Variants in BMPR1A observed in about 807,000 individuals in gnomAD.
The protein encoded by BMPR1A is bone morphogenetic protein receptor type 1A.
A neutral mutation model predicts 66.0 loss-of-function variants in BMPR1A; 7 were observed. That is an observed-to-expected ratio of 0.11 (90% CI 0.06 to 0.20). The LOEUF (loss-of-function observed/expected upper bound fraction) is 0.20, where lower values mean the gene tolerates loss of function less well. BMPR1A is among the 10% of genes least tolerant of loss of function. The pLI, the probability that BMPR1A is intolerant of heterozygous loss-of-function variation, is 1.00. For synonymous variants in BMPR1A, 200 were observed against 229.7 expected (o/e 0.87, Z 1.17); for missense variants, 408 against 669.1 (o/e 0.61, Z 4.31).
intron 4 of BMPR1A, 105 bp from the exon 5 acceptor site, chr10:86,892,022 A>G: frequency 1.2e-6 from 1 of 848,258 alleles, no homozygotes; most frequent in Non-Finnish European, 1.9e-6. Context: ...GTCACAAAAC[A>G]AAGTATTAAA....
chr10:86,782,430 C>G (rs886804114), intron 1 of BMPR1A, among the ~76,000 whole-genome samples: 2 of 152,028 alleles, frequency 1.3e-5, no homozygotes, highest in Non-Finnish European at 2.9e-5. Context: ...AGTGATTGTA[C>G]TGTTTTATAG....
intron 7 of BMPR1A, among the ~76,000 whole-genome samples, chr10:86,903,581 A>G (rs978160303): frequency 6.6e-6 from 1 of 151,868 alleles, no homozygotes; most frequent in Non-Finnish European, 1.5e-5. Flanking sequence ...AATGTTTTCA[A>G]ATTTATCTAT....
intron 2 of BMPR1A, chr10:86,855,435 A>T: frequency 1.5e-6 from 1 of 657,316 alleles, no homozygotes; most frequent in Admixed American, 2.4e-5. Flanking sequence ...TACTTTTCTT[A>T]TGCCTATTAG....
At chr10:86,912,101 A>T in intron 7 of BMPR1A, 139 bp from the exon 8 acceptor site, 1 of 877,292 alleles carries the variant, frequency 1.1e-6, no homozygotes, top group South Asian at 1.6e-5. Flanking sequence ...ATTTAACAGG[A>T]TATATTATCC....
At chr10:86,872,940 G>A (rs1776663053) in intron 2 of BMPR1A, among the ~76,000 whole-genome samples, 1 of 152,146 alleles carries the variant, frequency 6.6e-6, no homozygotes, top group African/African-American at 2.4e-5. Context: ...TAAAGATGAG[G>A]AAACTAATTC....
At chr10:86,794,085 T>C (rs1490304493) in intron 1 of BMPR1A, among the ~76,000 whole-genome samples, 1 of 152,224 alleles carries the variant, frequency 6.6e-6, no homozygotes, top group Non-Finnish European at 1.5e-5. Flanking sequence ...TCTCAGGTTT[T>C]GGACCCTTAG....
rs1174616935 is a variant in BMPR1A at position 86,790,178 on chromosome 10, AAAAAAAAAAAATATATATATAT to A, written c.-268+33261_-268+33282del. 6.7e-4 allele frequency among the ~76,000 whole-genome samples: 27 copies of A among 40,294 alleles called. 1 individual carries two copies. Among genetic ancestry groups the A allele is most frequent in the African/African-American group, 1.1e-3 (8 of 6,984 alleles). The allele number at this position is 40,294 out of a possible 152,430, so 26.4% of individuals were successfully genotyped here. On this transcript the variant is annotated intron_variant, in intron 1 of 12. Transcript: ENST00000372037. ...CTCTGTCTCCAAAAAAAAAAAAAAA[AAAAAAAAAAAATATATATATAT>A]ATATATATATATATATATATATATA... is the stretch of plus-strand genomic sequence containing the variant.
chr10:86,837,255 G>C (rs1015880350), intron 1 of BMPR1A, among the ~76,000 whole-genome samples: 2 of 150,292 alleles, frequency 1.3e-5, no homozygotes, highest in African/African-American at 5.0e-5. Context: ...GTCTGTGTGT[G>C]TGTGTGTGTG....
chr10:86,790,823 G>T (rs1198111267), intron 1 of BMPR1A, among the ~76,000 whole-genome samples: 1 of 152,120 alleles, frequency 6.6e-6, no homozygotes, highest in East Asian at 1.9e-4. Flanking sequence ...TGAATATGCC[G>T]ATAGCTACTG....
intron 5 of BMPR1A, among the ~76,000 whole-genome samples, chr10:86,895,807 C>G (rs928176002): frequency 1.3e-5 from 2 of 152,214 alleles, no homozygotes; most frequent in East Asian, 1.9e-4. Context: ...GCGGGCAGAT[C>G]GCTTGAGCTC....
chr10:86,928,002 G>A (rs776510503), downstream of BMPR1A: 1 of 176,110 alleles, frequency 5.7e-6, no homozygotes, highest in Non-Finnish European at 1.2e-5. Flanking sequence ...GCTACACTCA[G>A]ACGGTATTGT....
chr10:86,920,608 T>C (rs1362773429), intron 10 of BMPR1A, among the ~76,000 whole-genome samples: 1 of 152,178 alleles, frequency 6.6e-6, no homozygotes, highest in Non-Finnish European at 1.5e-5. Flanking sequence ...TATAGGAAAA[T>C]ACAACGCATT....
chr10:86,913,826 T>C (rs755528699), intron 8 of BMPR1A, among the ~76,000 whole-genome samples: 6 of 152,216 alleles, frequency 3.9e-5, no homozygotes, highest in Non-Finnish European at 8.8e-5. Flanking sequence ...TATTAAGATT[T>C]CAGTTTTCCT....
intron 1 of BMPR1A, among the ~76,000 whole-genome samples, chr10:86,828,151 C>T (rs911338192): frequency 1.3e-5 from 2 of 151,986 alleles, no homozygotes; most frequent in Non-Finnish European, 2.9e-5. Context: ...GACTCTGTCT[C>T]AAGGAAAAAA....
intron 1 of BMPR1A, among the ~76,000 whole-genome samples, chr10:86,816,273 T>C (rs1564693606): frequency 6.6e-6 from 1 of 152,268 alleles, no homozygotes; most frequent in Non-Finnish European, 1.5e-5. Flanking sequence ...TTATATTACA[T>C]ATTAACATCT....
intron 1 of BMPR1A, among the ~76,000 whole-genome samples, chr10:86,784,497 G>A (rs189349072): frequency 6.6e-6 from 1 of 152,176 alleles, no homozygotes; most frequent in East Asian, 1.9e-4. Flanking sequence ...AATTTGGTTT[G>A]GTAACATTTT....
chr10:86,869,948 C>T (rs190707682), intron 2 of BMPR1A, among the ~76,000 whole-genome samples: 32 of 151,942 alleles, frequency 2.1e-4, no homozygotes, highest in African/African-American at 6.0e-4. Flanking sequence ...TGAAGGAAAC[C>T]GAGACCTGGA....
chr10:86,852,000 C>T (rs1842574125), intron 2 of BMPR1A, among the ~76,000 whole-genome samples: 1 of 152,104 alleles, frequency 6.6e-6, no homozygotes, highest in Non-Finnish European at 1.5e-5. Context: ...AGGAGGATGG[C>T]TTGAGCCCAG....
At chr10:86,791,202 T>G (rs1179810434) in intron 1 of BMPR1A, among the ~76,000 whole-genome samples, 1 of 148,478 alleles carries the variant, frequency 6.7e-6, no homozygotes, top group African/African-American at 2.5e-5. Context: ...TGAGCAAGCC[T>G]TCTCAGTGCT....
Sources: allele counts gnomAD v4.1 joint callset (sites outside exome capture counted in the v4.1 genomes callset), GRCh38; gene constraint gnomAD v4.1.1; transcripts MANE v1.5; gene names NCBI Gene and HGNC (gene_info 2026-07-23, HGNC 2026-07-21).